DENND1B: variants seen among roughly 807,000 people sequenced by gnomAD.
DENND1B encodes DENN domain containing 1B.
In DENND1B, 59 loss-of-function variants were observed where a neutral mutation model predicts 90.1. The ratio of observed to expected loss-of-function variants is 0.65; its 90% CI spans 0.53 to 0.81. DENND1B has a LOEUF of 0.81. DENND1B is among the 40% of genes least tolerant of loss of function. The pLI is 0.00. For synonymous variants in DENND1B, 337 were observed against 324.6 expected (o/e 1.04, Z -0.41); for missense variants, 862 against 912.6 (o/e 0.94, Z 0.71).
At chr1:197,534,381 A>G (rs1244092424) in intron 20 of DENND1B, among the ~76,000 whole-genome samples, 1 of 152,224 alleles carries the variant, frequency 6.6e-6, no homozygotes, top group Non-Finnish European at 1.5e-5. Context: ...GAAGAAAACT[A>G]AATTTCTGTC....
At chr1:197,547,377 A>G (rs1189147240) in intron 16 of DENND1B, among the ~76,000 whole-genome samples, 2 of 152,068 alleles carry the variant, frequency 1.3e-5, no homozygotes, top group East Asian at 3.9e-4. Context: ...TAAAAGATGT[A>G]TCACCTTGCT....
chr1:197,605,616 A>G (rs965037040), intron 13 of DENND1B: 7 of 151,190 alleles, frequency 4.6e-5, no homozygotes, highest in African/African-American at 1.5e-4. Flanking sequence ...ATTGAATAAT[A>G]CTTTGATTAG....
intron 3 of DENND1B, among the ~76,000 whole-genome samples, chr1:197,693,557 G>A (rs945253743): frequency 1.3e-5 from 2 of 151,484 alleles, no homozygotes; most frequent in African/African-American, 2.4e-5. Flanking sequence ...TAATTTATCT[G>A]AATCAAAATG....
chr1:197,602,883 G>A (rs1369783996), intron 13 of DENND1B, among the ~76,000 whole-genome samples: 1 of 151,172 alleles, frequency 6.6e-6, no homozygotes, highest in African/African-American at 2.4e-5. Flanking sequence ...ATGATTTTTG[G>A]TGATTCAGAG....
intron 7 of DENND1B, among the ~76,000 whole-genome samples, chr1:197,649,994 T>C (rs1652936422): frequency 6.6e-6 from 1 of 151,676 alleles, no homozygotes; most frequent in African/African-American, 2.4e-5. Flanking sequence ...CTACAATAAA[T>C]TCAAACAAAT....
At chr1:197,605,245 C>T (rs1261603785) in intron 13 of DENND1B, among the ~76,000 whole-genome samples, 1 of 150,722 alleles carries the variant, frequency 6.6e-6, no homozygotes, top group Non-Finnish European at 1.5e-5. Flanking sequence ...ATTTACTTCT[C>T]CATATATTTA....
Position 197,540,015 on chromosome 1 carries a change from G to A in DENND1B, c.1464C>T (p.Tyr488=), listed in dbSNP as rs746643926. The change falls in exon 20 of 23, where the codon TAC becomes TAT. Residue 488 remains tyrosine, a synonymous_variant. Transcript: ENST00000620048. ...TTCCTCCCTTTTCATTGTGTAATTT[G>A]TAAACTGGTGTATATTGTACAGAAC... The part of the protein sequence containing the change: ...CSSSVQYTPV[Y]KLHNEKGGNS... 1 of 1,613,344 alleles carries A rather than the reference G, an allele frequency of 6.2e-7. No homozygotes were observed.
intron 1 of DENND1B, 104 bp from the exon 2 acceptor site, chr1:197,773,036 T>C (rs1378699262): frequency 1.0e-6 from 1 of 959,996 alleles, no homozygotes; most frequent in East Asian, 2.6e-5. Flanking sequence ...TCTCAATACA[T>C]TTCACGTGAC....
chr1:197,733,599 T>A (rs574413370), intron 2 of DENND1B, among the ~76,000 whole-genome samples: 1 of 152,272 alleles, frequency 6.6e-6, no homozygotes, highest in South Asian at 2.1e-4. Flanking sequence ...AGCCCCTACA[T>A]CAGAGGAAGC....
intron 11 of DENND1B, among the ~76,000 whole-genome samples, chr1:197,616,238 TAA>T (rs2125859370): frequency 6.6e-6 from 1 of 151,012 alleles, no homozygotes; most frequent in South Asian, 2.1e-4. Context: ...TTTAAATAAA[TAA>T]AGTTTAATTA....
chr1:197,762,179 C>T (rs934542941), intron 2 of DENND1B, among the ~76,000 whole-genome samples: 1 of 151,958 alleles, frequency 6.6e-6, no homozygotes, highest in Non-Finnish European at 1.5e-5. Flanking sequence ...GCCTGAAATC[C>T]AATAAACAAC....
intron 7 of DENND1B, among the ~76,000 whole-genome samples, chr1:197,647,584 T>G (rs1166145590): frequency 6.6e-6 from 1 of 152,214 alleles, no homozygotes; most frequent in Non-Finnish European, 1.5e-5. Context: ...TAGGAGTCTG[T>G]TATTGAAATC....
intron 13 of DENND1B, among the ~76,000 whole-genome samples, chr1:197,599,000 G>A (rs985072067): frequency 6.6e-6 from 1 of 151,752 alleles, no homozygotes; most frequent in Non-Finnish European, 1.5e-5. Flanking sequence ...AGCCATCCAT[G>A]GGAAGAATTA....
chr1:197,628,766 C>T (rs1473764193), intron 10 of DENND1B, among the ~76,000 whole-genome samples: 2 of 151,990 alleles, frequency 1.3e-5, no homozygotes, highest in East Asian at 3.9e-4. Context: ...AAAATTTTTG[C>T]AACCTACTCA....
intron 2 of DENND1B, among the ~76,000 whole-genome samples, chr1:197,721,282 A>C (rs527585342): frequency 6.6e-6 from 1 of 151,548 alleles, no homozygotes; most frequent in South Asian, 2.1e-4. Context: ...TGTTAGCCCA[A>C]ATGGTCTCGA....
At chr1:197,620,648 G>A (rs1558314587) in intron 10 of DENND1B, among the ~76,000 whole-genome samples, 1 of 151,236 alleles carries the variant, frequency 6.6e-6, no homozygotes, top group Non-Finnish European at 1.5e-5. Flanking sequence ...TAAAGTAGGT[G>A]CTCTAAAGTC....
At chr1:197,655,754 G>A (rs182030868) in intron 6 of DENND1B, among the ~76,000 whole-genome samples, 3 of 152,028 alleles carry the variant, frequency 2.0e-5, no homozygotes, top group African/African-American at 7.2e-5. Flanking sequence ...GGATGGTCTC[G>A]ATCTCCTGAC....
chr1:197,613,824 A>G (rs1677397501), intron 11 of DENND1B, among the ~76,000 whole-genome samples: 1 of 151,008 alleles, frequency 6.6e-6, no homozygotes, highest in African/African-American at 2.4e-5. Flanking sequence ...AGTTTATTCT[A>G]TTCACAAGAT....
intron 2 of DENND1B, among the ~76,000 whole-genome samples, chr1:197,722,601 T>C (rs1197785492): frequency 2.0e-5 from 3 of 152,170 alleles, no homozygotes; most frequent in African/African-American, 7.2e-5. Context: ...GAAATTTGTA[T>C]GTGAAGAAAC....
Sources: allele counts gnomAD v4.1 joint callset (sites outside exome capture counted in the v4.1 genomes callset), GRCh38; gene constraint gnomAD v4.1.1; transcripts MANE v1.5; gene names NCBI Gene and HGNC (gene_info 2026-07-23, HGNC 2026-07-21).